The following PTPRT variants were observed in gnomAD, a reference collection of about 807,000 sequenced individuals.
PTPRT encodes receptor-type tyrosine-protein phosphatase T.
In PTPRT, 56 loss-of-function variants were observed where a neutral mutation model predicts 176.8. The observed-to-expected ratio is 0.32, with a 90% CI of 0.26 to 0.40. The LOEUF (loss-of-function observed/expected upper bound fraction) is 0.40, where lower values mean the gene tolerates loss of function less well. Ranked by LOEUF, PTPRT falls within the 10% of genes least tolerant of loss-of-function variation. The pLI, the probability that PTPRT is intolerant of heterozygous loss-of-function variation, is 1.00. For missense variants in PTPRT, 1,540 were observed against 1,908.2 expected, an observed-to-expected ratio of 0.81 and a Z score of 3.60; for synonymous variants, 783 against 739.0, an observed-to-expected ratio of 1.06 and a Z score of -0.96.
chr20:42,811,545 A>G (rs1389666035), intron 2 of PTPRT, among the ~76,000 whole-genome samples: 1 of 152,212 alleles, frequency 6.6e-6, no homozygotes, highest in Non-Finnish European at 1.5e-5. Context: ...AAGCATTAAG[A>G]GCTTGAAGTA....
intron 12 of PTPRT, among the ~76,000 whole-genome samples, chr20:42,312,612 G>A (rs75945318): frequency 3.0e-4 from 45 of 152,166 alleles, no homozygotes; most frequent in African/African-American, 8.0e-4. Context: ...AAGTGCACCC[G>A]CAAGACATGT....
rs545968010 is a variant in PTPRT, at chr20:42,234,374, C to T, written c.2342+1855G>A. 6.6e-5 allele frequency among the ~76,000 whole-genome samples: 10 copies of T among 152,284 alleles called. No homozygotes were observed. The South Asian group carries it at 8.3e-4, about 13-fold the overall frequency. ...CTCTATAACCAGTGCACGATAGAGG[C>T]GGGACATGAGCCCAGAGCTGCGTCA... On this transcript the variant is annotated intron_variant, in intron 15 of 30. Transcript: ENST00000373187.
At chr20:42,157,448 T>C (rs1989406967) in intron 17 of PTPRT, among the ~76,000 whole-genome samples, 1 of 151,464 alleles carries the variant, frequency 6.6e-6, no homozygotes, top group African/African-American at 2.4e-5. Flanking sequence ...TGGGTTCAAG[T>C]GATTCTCCTG....
At chr20:42,689,030 A>T (rs2075747923) in intron 6 of PTPRT, among the ~76,000 whole-genome samples, 1 of 152,156 alleles carries the variant, frequency 6.6e-6, no homozygotes, top group Non-Finnish European at 1.5e-5. Flanking sequence ...ATTGATACAG[A>T]CAGAAGACAG....
At chr20:42,178,455 G>T (rs1215775656) in intron 16 of PTPRT, among the ~76,000 whole-genome samples, 1 of 152,176 alleles carries the variant, frequency 6.6e-6, no homozygotes, top group Non-Finnish European at 1.5e-5. Context: ...TGCATCAGAA[G>T]AACCAGGGTT....
At chr20:42,099,548 G>GGGGT (rs1555863927) in intron 26 of PTPRT, among the ~76,000 whole-genome samples, 1 of 47,652 alleles carries the variant, frequency 2.1e-5, no homozygotes, top group Non-Finnish European at 4.9e-5. Flanking sequence ...GGCCTGGGCG[G>GGGGT]GGGGGGGGGG....
Position 42,118,496 on chromosome 20 carries a change from C to T in PTPRT, c.2889G>A (p.Pro963=), listed in dbSNP as rs767426417. The change falls in exon 21 of 31, where the codon CCG becomes CCA. Residue 963 remains proline, a synonymous_variant. Transcript: ENST00000373187. ...AAAAGTCCTTTACAGTCTCCTGCAT[C>T]GGACCTGCCAACAGAGAAGACAGTG... ...RPRHYIATQG[P]MQETVKDFWR... is the part of the protein sequence containing the mutation. 1.8e-5 allele frequency: 29 copies of T among 1,606,956 alleles called. No individual in the cohort carries two copies. The highest frequency in any genetic ancestry group is 3.3e-4 in the Middle Eastern group (2 of 6,028).
At chr20:42,830,469 T>G (rs552664542) in intron 2 of PTPRT, among the ~76,000 whole-genome samples, 3 of 152,314 alleles carry the variant, frequency 2.0e-5, no homozygotes, top group Admixed American at 2.0e-4. Flanking sequence ...GAGCCATCTA[T>G]GACAAACACA....
chr20:42,603,773 G>A (rs2073825045), intron 7 of PTPRT, among the ~76,000 whole-genome samples: 2 of 152,282 alleles, frequency 1.3e-5, no homozygotes, highest in Admixed American at 1.3e-4. Flanking sequence ...GGACAAGAAT[G>A]ACATTTCTTC....
chr20:43,019,397 G>C (rs112044529), intron 1 of PTPRT, among the ~76,000 whole-genome samples: 16,789 of 152,042 alleles, frequency 0.11, 1,169 homozygotes, highest in African/African-American at 0.2. Flanking sequence ...AAGGCGGGCA[G>C]ATCACGAGGT....
intron 7 of PTPRT, among the ~76,000 whole-genome samples, chr20:42,504,111 G>C (rs1035581493): frequency 6.6e-6 from 1 of 151,836 alleles, no homozygotes; most frequent in African/African-American, 2.4e-5. Context: ...GGGGAATTGT[G>C]ATTTATTCAT....
intron 14 of PTPRT, among the ~76,000 whole-genome samples, chr20:42,237,538 T>C (rs1416417284): frequency 6.6e-6 from 1 of 152,190 alleles, no homozygotes; most frequent in Non-Finnish European, 1.5e-5. Flanking sequence ...AGCACCTATT[T>C]TATATATTGA....
At chr20:42,499,145 G>A (rs67321927) in intron 7 of PTPRT, among the ~76,000 whole-genome samples, 14,029 of 152,048 alleles carry the variant, frequency 0.092, 738 homozygotes, top group East Asian at 0.19. Context: ...AACAGGAAGT[G>A]GCTACAAAAT....
intron 11 of PTPRT, among the ~76,000 whole-genome samples, chr20:42,339,644 C>A (rs1307422141): frequency 2.6e-5 from 4 of 152,158 alleles, no homozygotes; most frequent in African/African-American, 9.7e-5. Context: ...CAGTAGGTCA[C>A]CTGGGAAATT....
At chr20:42,408,381 C>T (rs1488577331) in intron 9 of PTPRT, among the ~76,000 whole-genome samples, 2 of 151,748 alleles carry the variant, frequency 1.3e-5, no homozygotes, top group African/African-American at 2.4e-5. Flanking sequence ...CAGTAAAACC[C>T]GTGCGTGTGT....
chr20:43,010,652 G>A (rs919173806), intron 1 of PTPRT, among the ~76,000 whole-genome samples: 7 of 151,542 alleles, frequency 4.6e-5, no homozygotes, highest in African/African-American at 1.5e-4. Context: ...CATCATCATC[G>A]CATTATCATT....
the PTPRT span, among the ~76,000 whole-genome samples, chr20:42,035,596 C>G: frequency 6.6e-6 from 1 of 152,076 alleles, no homozygotes; most frequent in African/African-American, 2.4e-5. Flanking sequence ...CTGACACAGC[C>G]CCCATCCCAC....
rs900555988 is a variant in PTPRT, at chr20:43,189,376, G to C, written c.88+270C>G. ...GAAATATTCGCAACAACCGCGGAAA[G>C]TTACTCCAGCCCGGGGGGCCGGCAG... is the stretch of plus-strand genomic sequence containing the variant. On this transcript the variant is annotated intron_variant, in intron 1 of 30. Coordinates refer to ENST00000373187, the MANE Select transcript of PTPRT (RefSeq NM_007050.6). This position sits in a 1 kb window ranked among gnomAD's most constrained non-coding sequence, Gnocchi z 5.0. Among the ~76,000 whole-genome samples the C allele has an allele frequency of 6.6e-6, 1 of 152,202 alleles. No homozygotes were observed. The highest frequency in any genetic ancestry group is 1.5e-5 in the Non-Finnish European group (1 of 68,030).
At chr20:42,905,600 A>G (rs771745669) in intron 1 of PTPRT, among the ~76,000 whole-genome samples, 1 of 152,206 alleles carries the variant, frequency 6.6e-6, no homozygotes, top group Non-Finnish European at 1.5e-5. Context: ...TCATGCTACT[A>G]TAAAGACACA....
Sources: allele counts gnomAD v4.1 joint callset (sites outside exome capture counted in the v4.1 genomes callset), GRCh38; gene constraint gnomAD v4.1.1; non-coding constraint Gnocchi (gnomAD v3.1); transcripts MANE v1.5; gene names NCBI Gene and HGNC (gene_info 2026-07-23, HGNC 2026-07-21).